The following CSMD1 variants were observed in gnomAD, a reference collection of about 807,000 sequenced individuals.
CSMD1 encodes the protein CUB and sushi domain-containing protein 1.
CSMD1 carries 213 observed loss-of-function variants against 417.5 expected under a neutral mutation model. That is an observed-to-expected ratio of 0.51 (90% CI 0.46 to 0.57). CSMD1 has a LOEUF of 0.57. Among genes scored for constraint, CSMD1 ranks in the 20% least tolerant of loss-of-function variants. CSMD1 has a pLI of 0.00. For missense variants in CSMD1, 6,923 were observed against 4,529.7 expected (o/e 1.53, Z -15.17); for synonymous variants, 2,862 against 1,736.8 (o/e 1.65, Z -16.11).
At chr8:4,761,443 T>C (rs1331661724) in intron 1 of CSMD1, among the ~76,000 whole-genome samples, 5 of 152,130 alleles carry the variant, frequency 3.3e-5, no homozygotes, top group African/African-American at 7.2e-5. Context: ...GTTGCTGAAA[T>C]AAATTTTACC....
chr8:4,073,492 A>G (rs1300017444), intron 3 of CSMD1, among the ~76,000 whole-genome samples: 1 of 152,182 alleles, frequency 6.6e-6, no homozygotes, highest in East Asian at 1.9e-4. Context: ...GGCTGTCCTC[A>G]TCCAATATTC....
At chr8:3,689,994 A>C (rs1800152353) in intron 7 of CSMD1, among the ~76,000 whole-genome samples, 1 of 152,258 alleles carries the variant, frequency 6.6e-6, no homozygotes, top group Admixed American at 6.5e-5. Flanking sequence ...CTAATATTTT[A>C]ACAAGGTAAG....
At chr8:3,758,027 A>T (rs1797761551) in intron 5 of CSMD1, among the ~76,000 whole-genome samples, 1 of 152,002 alleles carries the variant, frequency 6.6e-6, no homozygotes, top group South Asian at 2.1e-4. Flanking sequence ...GCACTGGCAC[A>T]ATCTCAGCTC....
chr8:4,228,169 C>G (rs68169693), intron 3 of CSMD1, among the ~76,000 whole-genome samples: 6,861 of 152,250 alleles, frequency 0.045, 170 homozygotes, highest in East Asian at 0.09. Context: ...GGAAACACCC[C>G]CTCCACCCTG....
At chr8:3,103,440 A>T (rs1461908408) in intron 46 of CSMD1, among the ~76,000 whole-genome samples, 1 of 152,110 alleles carries the variant, frequency 6.6e-6, no homozygotes, top group Non-Finnish European at 1.5e-5. Flanking sequence ...GCACAGTATG[A>T]GACTGTACTG....
chr8:3,311,631 A>G (rs1805354332), intron 23 of CSMD1, among the ~76,000 whole-genome samples: 1 of 152,220 alleles, frequency 6.6e-6, no homozygotes, highest in Non-Finnish European at 1.5e-5. Flanking sequence ...TGAAAAACAG[A>G]TGGTTGCATG....
intron 3 of CSMD1, among the ~76,000 whole-genome samples, chr8:4,136,987 TG>T (rs1413923989): frequency 6.6e-6 from 1 of 152,182 alleles, no homozygotes; most frequent in Non-Finnish European, 1.5e-5. Context: ...CAAATAAATG[TG>T]GGCACAGTGA....
At chr8:3,480,391 C>G (rs549830916) in intron 11 of CSMD1, among the ~76,000 whole-genome samples, 3 of 151,902 alleles carry the variant, frequency 2.0e-5, no homozygotes, top group South Asian at 2.1e-4. Flanking sequence ...AAAGGAAAAA[C>G]GAATAAAGCT....
intron 23 of CSMD1, among the ~76,000 whole-genome samples, chr8:3,325,937 GA>G (rs1806499233): frequency 6.6e-6 from 1 of 152,136 alleles, no homozygotes; most frequent in African/African-American, 2.4e-5. Context: ...ATGCAAATAA[GA>G]AAAAATAATT....
intron 5 of CSMD1, among the ~76,000 whole-genome samples, chr8:3,799,850 A>C (rs1027478159): frequency 6.6e-6 from 1 of 152,166 alleles, no homozygotes; most frequent in Non-Finnish European, 1.5e-5. Context: ...AGGTTTTGGA[A>C]GATCACAGTC....
chr8:3,963,701 T>A (rs1230827364), intron 5 of CSMD1, among the ~76,000 whole-genome samples: 4 of 152,200 alleles, frequency 2.6e-5, no homozygotes, highest in Admixed American at 2.6e-4. Context: ...ATAGATTTCA[T>A]CGTAGACAAA....
chr8:4,060,546 G>C (rs1378472665), intron 3 of CSMD1, among the ~76,000 whole-genome samples: 1 of 152,146 alleles, frequency 6.6e-6, no homozygotes, highest in Non-Finnish European at 1.5e-5. Flanking sequence ...TGTGGCCTCT[G>C]CAATGGTTAA....
chr8:4,171,600 G>A (rs537917866), intron 3 of CSMD1, among the ~76,000 whole-genome samples: 23 of 151,420 alleles, frequency 1.5e-4, no homozygotes, highest in African/African-American at 5.6e-4. Flanking sequence ...ATTCCTTAGG[G>A]GACGGTCCCA....
chr8:3,537,345 T>A (rs1798246476), intron 10 of CSMD1, among the ~76,000 whole-genome samples: 1 of 152,208 alleles, frequency 6.6e-6, no homozygotes, highest in African/African-American at 2.4e-5. Context: ...ATCACCTGTA[T>A]GAGTTTTTAT....
intron 3 of CSMD1, among the ~76,000 whole-genome samples, chr8:4,107,841 G>A (rs1469602666): frequency 6.6e-6 from 1 of 152,178 alleles, no homozygotes; most frequent in African/African-American, 2.4e-5. Flanking sequence ...GAGACAGGCT[G>A]CACATTCTCT....
intron 3 of CSMD1, among the ~76,000 whole-genome samples, chr8:4,171,431 T>C (rs1797758203): frequency 6.6e-6 from 1 of 151,944 alleles, no homozygotes; most frequent in Non-Finnish European, 1.5e-5. Flanking sequence ...TGTAATACAA[T>C]CAATTTATGC....
intron 1 of CSMD1, among the ~76,000 whole-genome samples, chr8:4,800,453 A>G (rs1276363895): frequency 1.3e-5 from 2 of 151,746 alleles, no homozygotes; most frequent in African/African-American, 2.4e-5. Flanking sequence ...AAAAAAAAAA[A>G]AGGAAAATTA....
intron 3 of CSMD1, among the ~76,000 whole-genome samples, chr8:4,332,604 C>CACAA (rs1799933383): frequency 9.0e-6 from 1 of 111,646 alleles, no homozygotes; most frequent in Admixed American, 8.3e-5. Flanking sequence ...CACACACACA[C>CACAA]ACAGAGTCAT....
chr8:4,572,153 G>A (rs1798923328), intron 2 of CSMD1, among the ~76,000 whole-genome samples: 1 of 152,182 alleles, frequency 6.6e-6, no homozygotes, highest in African/African-American at 2.4e-5. Context: ...ATTCGAACCT[G>A]TCATCATGGT....
Sources: allele counts gnomAD v4.1 joint callset (sites outside exome capture counted in the v4.1 genomes callset), GRCh38; gene constraint gnomAD v4.1.1; transcripts MANE v1.5; gene names NCBI Gene and HGNC (gene_info 2026-07-23, HGNC 2026-07-21).